DPYD: variants seen among roughly 807,000 people sequenced by gnomAD.
DPYD encodes dihydropyrimidine dehydrogenase [NADP(+)].
In DPYD, 109 loss-of-function variants were observed where a neutral mutation model predicts 116.2. The ratio of observed to expected loss-of-function variants is 0.94; its 90% CI spans 0.80 to 1.10. DPYD has a LOEUF of 1.10. Ranked by LOEUF, DPYD falls within the 50% of genes least tolerant of loss-of-function variation. DPYD has a pLI of 0.00. For missense variants in DPYD, 1,302 were observed against 1,254.5 expected, an observed-to-expected ratio of 1.04 and a Z score of -0.57; for synonymous variants, 440 against 432.0, an observed-to-expected ratio of 1.02 and a Z score of -0.23.
At chr1:97,152,872 T>G (rs930673785) in intron 20 of DPYD, among the ~76,000 whole-genome samples, 4 of 152,112 alleles carry the variant, frequency 2.6e-5, no homozygotes, top group African/African-American at 7.2e-5. Context: ...ATAACTTGTC[T>G]TATTTTTATC....
chr1:97,829,640 G>A (rs1669426972), intron 2 of DPYD, among the ~76,000 whole-genome samples: 1 of 151,984 alleles, frequency 6.6e-6, no homozygotes, highest in African/African-American at 2.4e-5. Flanking sequence ...AAATGTTGTT[G>A]ATTGAGACCA....
At chr1:97,121,836 T>G (rs376400885) in intron 20 of DPYD, among the ~76,000 whole-genome samples, 5 of 152,300 alleles carry the variant, frequency 3.3e-5, no homozygotes, top group African/African-American at 1.2e-4. Context: ...TAGTCCAGCA[T>G]GCTGTAAGCA....
At chr1:97,359,857 C>A (rs992661906) in intron 16 of DPYD, among the ~76,000 whole-genome samples, 1 of 152,108 alleles carries the variant, frequency 6.6e-6, no homozygotes, top group Non-Finnish European at 1.5e-5. Context: ...CAAAAATATG[C>A]CAAATTGTAA....
chr1:97,173,466 C>T (rs1437315390), intron 20 of DPYD, among the ~76,000 whole-genome samples: 1 of 128,922 alleles, frequency 7.8e-6, no homozygotes, highest in African/African-American at 3.2e-5. Flanking sequence ...TATATATATA[C>T]ACACATAATG....
intron 11 of DPYD, among the ~76,000 whole-genome samples, chr1:97,568,829 C>T (rs766237409): frequency 1.3e-5 from 2 of 152,058 alleles, no homozygotes; most frequent in African/African-American, 2.4e-5. Flanking sequence ...ATTATGGGCA[C>T]ACTAATATGT....
At chr1:97,579,848 CACTT>C (rs1217175489) in intron 10 of DPYD, among the ~76,000 whole-genome samples, 3 of 152,162 alleles carry the variant, frequency 2.0e-5, no homozygotes, top group African/African-American at 7.2e-5. Context: ...ATCAGGTTGT[CACTT>C]TCTTTTTACA....
chr1:97,207,866 A>G (rs573198169), intron 19 of DPYD, among the ~76,000 whole-genome samples: 3 of 152,224 alleles, frequency 2.0e-5, no homozygotes, highest in African/African-American at 7.2e-5. Context: ...TTCATTTTAA[A>G]GAATTCCCTC....
At chr1:97,821,432 T>C (rs1472407220) in intron 3 of DPYD, among the ~76,000 whole-genome samples, 1 of 151,608 alleles carries the variant, frequency 6.6e-6, no homozygotes, top group Admixed American at 6.6e-5. Context: ...GTACAGAATA[T>C]GATAGTAAAG....
intron 2 of DPYD, among the ~76,000 whole-genome samples, chr1:97,859,769 GTAAAAA>G (rs1417676732): frequency 2.0e-5 from 3 of 151,750 alleles, no homozygotes; most frequent in Non-Finnish European, 4.4e-5. Flanking sequence ...TTTAATAATA[GTAAAAA>G]TAAAAATAAA....
intron 14 of DPYD, among the ~76,000 whole-genome samples, chr1:97,414,269 C>T (rs907052893): frequency 6.6e-6 from 1 of 152,098 alleles, no homozygotes; most frequent in African/African-American, 2.4e-5. Context: ...TACAATTAGT[C>T]TATCAGTTGG....
chr1:97,791,437 A>G (rs1223732880), intron 3 of DPYD, among the ~76,000 whole-genome samples: 2 of 152,210 alleles, frequency 1.3e-5, no homozygotes, highest in African/African-American at 4.8e-5. Context: ...CAACTGTAGC[A>G]TTAGAGTATT....
Position 97,645,740 on chromosome 1 carries a change from T to C in DPYD, c.850+33355A>G, listed in dbSNP as rs76890722. Among the ~76,000 whole-genome samples the C allele has an allele frequency of 2.2e-3, 342 of 152,184 alleles. 14 individuals carry two copies. The East Asian group carries it at 0.045, about 20-fold the overall frequency. The stretch of plus-strand genomic sequence containing the variant: ...ATCTTCTGATGGGTTACTGTTTGCA[T>C]ATATAAAAGCTGTTGATCTGTGTAC... On this transcript the variant is annotated intron_variant, in intron 8 of 22. Transcript: ENST00000370192.
chr1:97,442,942 C>A (rs952102018), intron 14 of DPYD, among the ~76,000 whole-genome samples: 13 of 152,088 alleles, frequency 8.5e-5, no homozygotes, highest in Non-Finnish European at 1.9e-4. Flanking sequence ...ATATTCTATG[C>A]AATCTAATTT....
At chr1:97,156,169 T>C (rs1655436772) in intron 20 of DPYD, among the ~76,000 whole-genome samples, 1 of 152,190 alleles carries the variant, frequency 6.6e-6, no homozygotes, top group Non-Finnish European at 1.5e-5. Flanking sequence ...TTATTTGAAA[T>C]GAATAAATTT....
intron 16 of DPYD, among the ~76,000 whole-genome samples, chr1:97,362,611 A>T (rs1376860747): frequency 2.0e-5 from 3 of 152,188 alleles, no homozygotes; most frequent in African/African-American, 4.8e-5. Context: ...AGCTATATAG[A>T]CCAACGGAAC....
intron 8 of DPYD, among the ~76,000 whole-genome samples, chr1:97,646,544 A>T (rs544024186): frequency 6.6e-6 from 1 of 152,174 alleles, no homozygotes; most frequent in South Asian, 2.1e-4. Flanking sequence ...TGGTAATACA[A>T]GATTAAGTTT....
chr1:97,815,228 G>T (rs1473879768), intron 3 of DPYD, among the ~76,000 whole-genome samples: 1 of 152,170 alleles, frequency 6.6e-6, no homozygotes, highest in African/African-American at 2.4e-5. Context: ...GTGTAAAGCT[G>T]AAGTTTTTTT....
rs1424904888 is a variant in DPYD at position 97,857,996 on chromosome 1, T to C, written c.150+25268A>G. ...TTCTGTGTGAATGATTGCTGTGTTG[T>C]ATGAGAGCAGAGGAAAAACAAATGT... On this transcript the variant is annotated intron_variant, in intron 2 of 22. Transcript: ENST00000370192. 2.6e-5 allele frequency among the ~76,000 whole-genome samples: 4 copies of C among 152,012 alleles called. No homozygotes were observed. The East Asian group carries it at 7.8e-4, about 29-fold the overall frequency.
At chr1:97,446,696 C>T (rs1190864416) in intron 14 of DPYD, among the ~76,000 whole-genome samples, 1 of 152,088 alleles carries the variant, frequency 6.6e-6, no homozygotes, top group Non-Finnish European at 1.5e-5. Flanking sequence ...GTCTTTGCTT[C>T]CTAATTCAGT....
Sources: gnomAD v4.1 joint callset for allele counts (sites outside exome capture counted in the v4.1 genomes callset) on GRCh38, gnomAD v4.1.1 for gene constraint, MANE v1.5 for transcripts, NCBI Gene and HGNC (gene_info 2026-07-23, HGNC 2026-07-21) for gene names.